The following EMILIN2 variants were observed in gnomAD, a reference collection of about 807,000 sequenced individuals.
EMILIN2 encodes the protein EMILIN-2.
Under a neutral mutation model 87.1 loss-of-function variants are expected in EMILIN2, and 71 were observed. The ratio of observed to expected loss-of-function variants is 0.82; its 90% CI spans 0.67 to 0.99. The LOEUF (loss-of-function observed/expected upper bound fraction) is 0.99. Ranked by LOEUF, EMILIN2 falls within the 50% of genes least tolerant of loss-of-function variation. EMILIN2 has a pLI of 0.00. For missense variants in EMILIN2, 1,407 were observed against 1,371.8 expected (o/e 1.03, Z -0.40); for synonymous variants, 581 against 563.4 (o/e 1.03, Z -0.44).
intron 7 of EMILIN2, among the ~76,000 whole-genome samples, chr18:2,911,332 G>A (rs570646563): frequency 6.6e-6 from 1 of 152,324 alleles, no homozygotes; most frequent in South Asian, 2.1e-4. Flanking sequence ...ATGTGCCCAC[G>A]TGAGGTGTTC....
chr18:2,888,119 T>C (rs1199131028), intron 3 of EMILIN2, among the ~76,000 whole-genome samples: 3 of 152,236 alleles, frequency 2.0e-5, no homozygotes, highest in African/African-American at 4.8e-5. Context: ...TTCACTATTA[T>C]AGATAATATA....
rs756534807 is a variant in EMILIN2 at position 2,914,211 on chromosome 18, AC to A, written c.*811del. 2 of 152,294 alleles carry A rather than the reference AC, an allele frequency of 1.3e-5. No individual in the cohort carries two copies. The highest frequency in any genetic ancestry group is 2.9e-5 in the Non-Finnish European group (2 of 68,030). The allele number at this position is 152,294 out of a possible 1,614,324, so 9.4% of individuals were successfully genotyped here. The stretch of plus-strand genomic sequence containing the variant: ...AATTAATCTCAGCTACAAAACTGTT[AC>A]CCCTCCGCATCCAAGCTATACACTT... On this transcript the variant is annotated 3_prime_UTR_variant, in exon 8 of 8. Coordinates refer to ENST00000254528, the MANE Select transcript of EMILIN2 (RefSeq NM_032048.3).
rs540731299 is a variant in EMILIN2, at chr18:2,903,207, G to A, written c.2360-3576G>A. ...GTGGGGCTGGGGCTCAGGCAGAGGC[G>A]TGTGCCCTGGGAGGCAGGCCAGCTT... On this transcript the variant is annotated intron_variant, in intron 4 of 7. Transcript: ENST00000254528. Among the ~76,000 whole-genome samples the A allele has an allele frequency of 7.2e-3, 1,099 of 152,110 alleles. 7 individuals carry two copies. Among genetic ancestry groups the A allele is most frequent in the Non-Finnish European group, 0.012 (833 of 67,996 alleles).
intron 7 of EMILIN2, 119 bp from the exon 8 acceptor site, chr18:2,912,948 T>TG: frequency 1.9e-6 from 2 of 1,061,096 alleles, no homozygotes; most frequent in South Asian, 3.0e-5. Flanking sequence ...CCAGCTACCA[T>TG]GGGAAGACAG....
At chr18:2,909,582 A>G in intron 6 of EMILIN2, 109 bp from the exon 7 acceptor site, 1 of 1,420,034 alleles carries the variant, frequency 7.0e-7, no homozygotes, top group Non-Finnish European at 9.5e-7. Context: ...TGGGTGAAAT[A>G]AAATGGGCCT....
chr18:2,888,551 C>G (rs1203013509), intron 3 of EMILIN2, among the ~76,000 whole-genome samples: 2 of 151,402 alleles, frequency 1.3e-5, no homozygotes, highest in Non-Finnish European at 2.9e-5. Flanking sequence ...CCATCTCTAC[C>G]AAAAATACAA....
chr18:2,892,941 AGT>A (rs1467757171), intron 4 of EMILIN2, among the ~76,000 whole-genome samples: 3 of 151,346 alleles, frequency 2.0e-5, no homozygotes, highest in African/African-American at 7.3e-5. Context: ...AGTCCCAGCT[AGT>A]CGGGAGGCTG....
chr18:2,883,447 G>A (rs1010549517), intron 2 of EMILIN2, among the ~76,000 whole-genome samples: 5 of 152,220 alleles, frequency 3.3e-5, no homozygotes, highest in Non-Finnish European at 5.9e-5. Context: ...CCAGCTGCTG[G>A]TGCTGGTGTA....
In EMILIN2 at chr18:2,891,127, G is replaced by A. The variant is rs777939385; in HGVS notation, c.1000G>A (p.Asp334Asn). 1 of 1,614,040 alleles carries A rather than the reference G, an allele frequency of 6.2e-7. No homozygotes were observed. The highest frequency in any genetic ancestry group is 2.2e-5 in the East Asian group (1 of 44,892). ...ALREELMEGM[D>N]RKLADLKNSC... ...GAGAGAGGAGCTCATGGAGGGCATG[G>A]ACAGAAAGCTGGCTGACCTGAAAAA... The change falls in exon 4 of 8, where the codon GAC becomes AAC. Residue 334 changes from aspartate (D) to asparagine (N), a missense_variant. Asp to Asn is a conservative substitution (Grantham distance 23, BLOSUM62 1). Coordinates refer to ENST00000254528, the MANE Select transcript of EMILIN2 (RefSeq NM_032048.3). The surrounding 1 kb of genome is among the most constrained non-coding windows in gnomAD (Gnocchi z 4.6).
chr18:2,868,486 T>C (rs2076701435), intron 2 of EMILIN2, among the ~76,000 whole-genome samples: 1 of 152,326 alleles, frequency 6.6e-6, no homozygotes, highest in African/African-American at 2.4e-5. Flanking sequence ...ATCACACCAC[T>C]GCACTCCAGC....
rs760330872 is a variant in EMILIN2, at chr18:2,874,856, G to C, written c.258-10108G>C. 1.4e-4 allele frequency among the ~76,000 whole-genome samples: 21 copies of C among 152,328 alleles called. 1 individual carries two copies. The East Asian group carries it at 4.0e-3, about 29-fold the overall frequency. On this transcript the variant is annotated intron_variant, in intron 2 of 7. Coordinates refer to ENST00000254528, the MANE Select transcript of EMILIN2 (RefSeq NM_032048.3). ...AAACTCTTAATGTCTCCAGATTTTC[G>C]ATGCTTCTGAGTGACTGGCACCGTT... is the stretch of plus-strand genomic sequence containing the variant.
In EMILIN2 at chr18:2,908,944, A is replaced by G; in HGVS notation, c.2664A>G (p.Gly888=). 3 of 1,613,642 alleles carry G rather than the reference A, an allele frequency of 1.9e-6. No individual in the cohort carries two copies. The highest frequency in any genetic ancestry group is 2.5e-6 in the Non-Finnish European group (3 of 1,180,016). The part of the protein sequence containing the change: ...PGAEGFAGAP[G]YPKSPPVASP... ...TGCCATTTCCTTTCTGTTTTTCAGG[A>G]TACCCGAAGTCACCTCCTGTAGCTT... The change falls in exon 6 of 8, where the codon GGA becomes GGG. Residue 888 remains glycine, a splice_region_variant and synonymous_variant. Coordinates refer to ENST00000254528, the MANE Select transcript of EMILIN2 (RefSeq NM_032048.3).
chr18:2,879,259 A>G (rs1182628185), intron 2 of EMILIN2, among the ~76,000 whole-genome samples: 8 of 152,198 alleles, frequency 5.3e-5, no homozygotes. Flanking sequence ...GGAGATGTTC[A>G]CGCTGCCCAA....
chr18:2,906,797 C>G lies in EMILIN2; in HGVS notation c.2374C>G (p.Pro792Ala). The stretch of plus-strand genomic sequence containing the variant: ...ACGCCCGGCAGAGGCGCCCTCGCCC[C>G]CGCCGCCCGCAGAGGCCCCGAAGGA... ...FQPSAKAPSP[P>A]PPAEAPKEPL... Residue 792 changes from proline to alanine, a missense_variant, in exon 5 of 8, where the codon CCG becomes GCG. Physicochemically the swap from Pro to Ala is conservative, Grantham distance 27 (BLOSUM62 -1). Transcript: ENST00000254528. The G allele has an allele frequency of 1.5e-6, 2 of 1,292,740 alleles. No homozygotes were observed. The highest frequency in any genetic ancestry group is 2.0e-6 in the Non-Finnish European group (2 of 1,025,612). The allele number at this position is 1,292,740 out of a possible 1,614,324, so 80.1% of individuals were successfully genotyped here.
intron 2 of EMILIN2, among the ~76,000 whole-genome samples, chr18:2,870,313 T>A (rs985495277): frequency 6.6e-5 from 10 of 152,166 alleles, no homozygotes; most frequent in Non-Finnish European, 1.5e-4. Flanking sequence ...AAATGTTGGA[T>A]TAAGGATTCA....
chr18:2,878,200 T>A (rs1046688246), intron 2 of EMILIN2, among the ~76,000 whole-genome samples: 1 of 152,154 alleles, frequency 6.6e-6, no homozygotes, highest in Non-Finnish European at 1.5e-5. Flanking sequence ...AGATGCTAAA[T>A]TTCAGGTGGC....
chr18:2,889,600 T>C (rs1281395592), intron 3 of EMILIN2, among the ~76,000 whole-genome samples: 1 of 151,974 alleles, frequency 6.6e-6, no homozygotes, highest in Non-Finnish European at 1.5e-5. Flanking sequence ...AAATTAATAA[T>C]TGTTTCTTTC....
In EMILIN2 at chr18:2,897,864, T is replaced by TTAA. The variant is rs775310438; in HGVS notation, c.2359+5378_2359+5379insTAA. Among the ~76,000 whole-genome samples the TTAA allele has an allele frequency of 1.4e-4, 19 of 139,156 alleles. 1 individual carries two copies. Among genetic ancestry groups the TTAA allele is most frequent in the South Asian group, 4.6e-4 (2 of 4,352 alleles). The allele number at this position is 139,156 out of a possible 152,430, so 91.3% of individuals were successfully genotyped here. On this transcript the variant is annotated intron_variant, in intron 4 of 7. Transcript: ENST00000254528. ...GCAGTACAGCATAATCCTGTCTCTT[T>TTAA]AAAAAAAAAAAAAAAGCCTAGAGAT...
At chr18:2,864,452 A>G (rs1028036607) in intron 2 of EMILIN2, among the ~76,000 whole-genome samples, 1 of 152,084 alleles carries the variant, frequency 6.6e-6, no homozygotes, top group Non-Finnish European at 1.5e-5. Context: ...CTTGTCTGTA[A>G]AGTATTTTAT....
Sources: allele counts gnomAD v4.1 joint callset (sites outside exome capture counted in the v4.1 genomes callset), GRCh38; gene constraint gnomAD v4.1.1; non-coding constraint Gnocchi (gnomAD v3.1); transcripts MANE v1.5; gene names NCBI Gene and HGNC (gene_info 2026-07-23, HGNC 2026-07-21).